The following TMEM117 variants were observed in gnomAD, a reference collection of about 807,000 sequenced individuals.
TMEM117 encodes the protein transmembrane protein 117.
TMEM117 carries 27 observed loss-of-function variants against 52.4 expected under a neutral mutation model. The ratio of observed to expected loss-of-function variants is 0.51; its 90% CI spans 0.38 to 0.71. TMEM117 has a LOEUF of 0.71. Among genes scored for constraint, TMEM117 ranks in the 30% least tolerant of loss-of-function variants. The probability of loss-of-function intolerance (pLI) is 0.00; values close to 1 mark genes in which losing one functional copy is unlikely to be tolerated. For missense variants in TMEM117, 556 were observed against 630.5 expected, an observed-to-expected ratio of 0.88 and a Z score of 1.26; for synonymous variants, 215 against 206.3, an observed-to-expected ratio of 1.04 and a Z score of -0.36.
At chr12:43,853,439 C>A (rs950609924) in intron 2 of TMEM117, among the ~76,000 whole-genome samples, 1 of 152,126 alleles carries the variant, frequency 6.6e-6, no homozygotes, top group Non-Finnish European at 1.5e-5. Flanking sequence ...CCATACCCAG[C>A]TAATTTTTGT....
chr12:44,222,083 G>A (rs1035310921), intron 5 of TMEM117, among the ~76,000 whole-genome samples: 2 of 152,090 alleles, frequency 1.3e-5, no homozygotes, highest in Non-Finnish European at 2.9e-5. Flanking sequence ...ATCTTTGATG[G>A]TCTCAACTGT....
intron 3 of TMEM117, among the ~76,000 whole-genome samples, chr12:44,122,435 G>A (rs1948252802): frequency 6.6e-6 from 1 of 152,088 alleles, no homozygotes; most frequent in Non-Finnish European, 1.5e-5. Flanking sequence ...CGGGGTACAG[G>A]TGCAGGATGT....
At chr12:44,014,362 T>C (rs11182381) in intron 3 of TMEM117, among the ~76,000 whole-genome samples, 9,894 of 152,176 alleles carry the variant, frequency 0.065, 487 homozygotes, top group African/African-American at 0.14. Context: ...AAGATGAAGC[T>C]GATGACTGTA....
At chr12:43,998,387 T>C (rs1946065845) in intron 3 of TMEM117, among the ~76,000 whole-genome samples, 2 of 152,232 alleles carry the variant, frequency 1.3e-5, no homozygotes, top group Non-Finnish European at 2.9e-5. Flanking sequence ...TTAAAGTGGG[T>C]TTCTTGTAGA....
chr12:44,296,485 A>G (rs757017121), intron 5 of TMEM117, among the ~76,000 whole-genome samples: 6 of 152,172 alleles, frequency 3.9e-5, no homozygotes, highest in South Asian at 2.1e-4. Flanking sequence ...TCACAGGTCT[A>G]CTTCAGGATC....
intron 3 of TMEM117, among the ~76,000 whole-genome samples, chr12:44,063,599 T>C (rs919926053): frequency 3.3e-5 from 5 of 151,778 alleles, no homozygotes; most frequent in African/African-American, 9.7e-5. Flanking sequence ...GTATATCTCC[T>C]AATGCTATCC....
chr12:44,068,617 T>G (rs1947256558), intron 3 of TMEM117, among the ~76,000 whole-genome samples: 2 of 152,180 alleles, frequency 1.3e-5, no homozygotes, highest in South Asian at 4.1e-4. Flanking sequence ...TAAGTTCACT[T>G]TCTTAAATAG....
Position 44,211,324 on chromosome 12 carries a change from C to T in TMEM117, c.545C>T (p.Pro182Leu). The change falls in exon 5 of 8, where the codon CCT (proline) becomes CTT (leucine). Residue 182 changes from proline (P) to leucine (L), a missense_variant. Physicochemically the swap from Pro to Leu is moderately conservative, Grantham distance 98. Transcript: ENST00000266534. ...ATGATGCTTCAGGACAAACCCTATC[C>T]TGACTGGGGAAAATCAGCAAGAGCT... ...TDMMLQDKPY[P>L]DWGKSARAFW... The T allele has an allele frequency of 6.2e-7, 1 of 1,612,466 alleles. No homozygotes were observed. The highest frequency in any genetic ancestry group is 8.5e-7 in the Non-Finnish European group (1 of 1,179,268).
rs192715240 is a variant in TMEM117 at position 44,146,982 on chromosome 12, A to G, written c.510+3358A>G. 1.7e-4 allele frequency among the ~76,000 whole-genome samples: 26 copies of G among 152,286 alleles called. No homozygotes were observed. In the East Asian group the frequency reaches 4.8e-3, roughly 28 times the overall value. On this transcript the variant is annotated intron_variant, in intron 4 of 7. Coordinates refer to ENST00000266534, the MANE Select transcript of TMEM117 (RefSeq NM_032256.3). The stretch of plus-strand genomic sequence containing the variant: ...TATGAGAAGTATCTTTGGCCCTCAC[A>G]TTACAGAGCTTCAAGCTCTGCTGGG...
intron 3 of TMEM117, among the ~76,000 whole-genome samples, chr12:44,030,504 A>G (rs1023443577): frequency 3.9e-5 from 6 of 152,216 alleles, no homozygotes; most frequent in Non-Finnish European, 7.3e-5. Flanking sequence ...TAACAGTGTA[A>G]TGTGTATTTG....
intron 1 of TMEM117, among the ~76,000 whole-genome samples, chr12:43,838,859 G>T (rs1360330989): frequency 2.0e-5 from 3 of 151,924 alleles, no homozygotes; most frequent in East Asian, 1.9e-4. Flanking sequence ...CAAATGGCAG[G>T]TATCAGGAAT....
At chr12:43,969,899 A>G (rs992599422) in intron 3 of TMEM117, among the ~76,000 whole-genome samples, 5 of 151,762 alleles carry the variant, frequency 3.3e-5, no homozygotes, top group Middle Eastern at 3.4e-3. Flanking sequence ...CCTCTCTTTA[A>G]TCTCTCCTCT....
chr12:43,872,437 A>T (rs545526366), intron 2 of TMEM117, among the ~76,000 whole-genome samples: 1 of 152,362 alleles, frequency 6.6e-6, no homozygotes, highest in East Asian at 1.9e-4. Flanking sequence ...GAACTCAGTG[A>T]CATAGCAGGT....
chr12:44,383,135 G>T (rs1188422056), intron 7 of TMEM117, among the ~76,000 whole-genome samples: 2 of 152,110 alleles, frequency 1.3e-5, no homozygotes, highest in Non-Finnish European at 2.9e-5. Context: ...TCAAAGTCTG[G>T]CCAAGTAATC....
chr12:44,021,788 T>C (rs1224918655), intron 3 of TMEM117, among the ~76,000 whole-genome samples: 1 of 152,122 alleles, frequency 6.6e-6, no homozygotes, highest in Non-Finnish European at 1.5e-5. Context: ...CCCCTGGAGA[T>C]CCCTTGCCCT....
At chr12:43,860,626 C>T (rs1246933054) in intron 2 of TMEM117, among the ~76,000 whole-genome samples, 4 of 152,044 alleles carry the variant, frequency 2.6e-5, no homozygotes, top group Non-Finnish European at 5.9e-5. Flanking sequence ...CTGAAAGCCC[C>T]AGAGCAGTGG....
intron 5 of TMEM117, among the ~76,000 whole-genome samples, chr12:44,227,667 A>G (rs759864037): frequency 1.3e-5 from 2 of 152,098 alleles, no homozygotes; most frequent in South Asian, 2.1e-4. Context: ...TCGCATTTTC[A>G]TAGTGCTTTA....
At chr12:44,136,533 A>G (rs1948492942) in intron 3 of TMEM117, among the ~76,000 whole-genome samples, 1 of 152,158 alleles carries the variant, frequency 6.6e-6, no homozygotes, top group Non-Finnish European at 1.5e-5. Context: ...GTTTTACAGT[A>G]TCCATTTGAA....
chr12:43,995,110 A>G (rs1946005232), intron 3 of TMEM117, among the ~76,000 whole-genome samples: 1 of 152,054 alleles, frequency 6.6e-6, no homozygotes, highest in Admixed American at 6.5e-5. Flanking sequence ...CCCCATCTCT[A>G]CTAAAATACA....
Sources: gnomAD v4.1 joint callset for allele counts (sites outside exome capture counted in the v4.1 genomes callset) on GRCh38, gnomAD v4.1.1 for gene constraint, MANE v1.5 for transcripts, NCBI Gene and HGNC (gene_info 2026-07-23, HGNC 2026-07-21) for gene names.